The following ABCA2 variants were observed in gnomAD, a reference collection of about 807,000 sequenced individuals.
ABCA2 encodes ATP-binding cassette sub-family A member 2.
Under a neutral mutation model 262.8 loss-of-function variants are expected in ABCA2, and 84 were observed. The ratio of observed to expected loss-of-function variants is 0.32; its 90% CI spans 0.27 to 0.38. The LOEUF (loss-of-function observed/expected upper bound fraction) is 0.38. Among genes scored for constraint, ABCA2 ranks in the 10% least tolerant of loss-of-function variants. The pLI, the probability that ABCA2 is intolerant of heterozygous loss-of-function variation, is 1.00. For synonymous variants in ABCA2, 1,696 were observed against 1,502.9 expected, an observed-to-expected ratio of 1.13 and a Z score of -2.97; for missense variants, 2,662 against 3,405.9, an observed-to-expected ratio of 0.78 and a Z score of 5.44.
At chr9:137,027,248 T>A (rs921641901) in intron 1 of ABCA2, among the ~76,000 whole-genome samples, 1 of 152,180 alleles carries the variant, frequency 6.6e-6, no homozygotes, top group African/African-American at 2.4e-5. Context: ...GCTGGGGGTA[T>A]GGCAGGACAC....
rs767251395 is a variant in ABCA2, at chr9:137,014,258, C to T, written c.4150G>A (p.Gly1384Ser). The T allele has an allele frequency of 1.2e-6, 2 of 1,611,070 alleles. No individual in the cohort carries two copies. The highest frequency in any genetic ancestry group is 1.7e-6 in the Non-Finnish European group (2 of 1,179,254). The change falls in exon 27 of 49, where the codon GGC becomes AGC. Residue 1384 changes from glycine to serine, a missense_variant. Around this residue, in one of 12 missense-constraint regions of ABCA2, gnomAD observed 297 missense variants for 286.5 expected, o/e 1.04. Transcript: ENST00000341511. ...QSASSVGSAR[G>S]DEGAGYTDVY... ...TCGGTGTAGCCAGCTCCCTCGTCGCCACGGGCAGAGCCCACAGATGACGCC... is the reference window on the plus strand; with the variant it reads ...TCGGTGTAGCCAGCTCCCTCGTCGCTACGGGCAGAGCCCACAGATGACGCC...
rs1415865333 is a variant in ABCA2, at chr9:137,016,206, C to G, written c.3105-32G>C. ...AGGTGGGCGGGGTCATGACCCCACG[C>G]CCTCTGCAGGGGCCCCACCCTGCCC... is the stretch of plus-strand genomic sequence containing the variant. On this transcript the variant is annotated intron_variant, in intron 21 of 48. Coordinates refer to ENST00000341511, the MANE Select transcript of ABCA2 (RefSeq NM_001606.5). The G allele has an allele frequency of 1.9e-6, 3 of 1,611,416 alleles. No homozygotes were observed. The African/African-American group carries it at 4.0e-5, about 22-fold the overall frequency.
rs1397469275 is a variant in ABCA2, at chr9:137,012,600, C to A, written c.5082-10G>T. On this transcript the variant is annotated splice_polypyrimidine_tract_variant and intron_variant, in intron 31 of 48. Transcript: ENST00000341511. ...GGTGATGGCCCCATACCTGGGCAGG[C>A]AGGTGGGAGGGGCGGTGAGGCTAGG... The A allele has an allele frequency of 2.5e-6, 4 of 1,611,290 alleles. No individual in the cohort carries two copies. Among genetic ancestry groups the A allele is most frequent in the African/African-American group, 1.3e-5 (1 of 74,916 alleles).
chr9:137,009,016 T>C lies in ABCA2; in HGVS notation c.6865A>G (p.Ser2289Gly), dbSNP rs1359459482. 2 of 1,608,322 alleles carry C rather than the reference T, an allele frequency of 1.2e-6. No individual in the cohort carries two copies. The highest frequency in any genetic ancestry group is 1.7e-6 in the Non-Finnish European group (2 of 1,179,648). Residue 2289 changes from serine (S) to glycine (G), a missense_variant, in exon 46 of 49, where the codon AGC becomes GGC. Coordinates refer to ENST00000341511, the MANE Select transcript of ABCA2 (RefSeq NM_001606.5). ...ACCACGTCCTTCACACTCTGGCTGC[T>C]CTTGGTCCGCACCGTGATCATGTAG... ...DGYMITVRTK[S>G]SQSVKDVVRF... is the part of the protein sequence containing the mutation.
chr9:137,017,169 A>C lies in ABCA2; in HGVS notation c.2553+27T>G, dbSNP rs779238180. 5 of 1,611,678 alleles carry C rather than the reference A, an allele frequency of 3.1e-6. No homozygotes were observed. In the South Asian group the frequency reaches 4.4e-5, roughly 14 times the overall value. ...AGCACGTGGGGTGGCCCGGCACCCCAGCCGCCCGCCTGCCCGCGACCCTCA... is the reference window on the plus strand; with the variant it reads ...AGCACGTGGGGTGGCCCGGCACCCCCGCCGCCCGCCTGCCCGCGACCCTCA... On this transcript the variant is annotated intron_variant, in intron 18 of 48. Transcript: ENST00000341511.
Position 137,017,188 on chromosome 9 carries a change from A to T in ABCA2, c.2553+8T>A. The T allele has an allele frequency of 1.9e-6, 3 of 1,611,378 alleles. No individual in the cohort carries two copies. The highest frequency in any genetic ancestry group is 1.1e-5 in the South Asian group (1 of 91,038). On this transcript the variant is annotated splice_region_variant and intron_variant, in intron 18 of 48. Coordinates refer to ENST00000341511, the MANE Select transcript of ABCA2 (RefSeq NM_001606.5). ...CACCCCAGCCGCCCGCCTGCCCGCGACCCTCACCGCGATGCACTTCTCGAA... is the reference window on the plus strand; with the variant it reads ...CACCCCAGCCGCCCGCCTGCCCGCGTCCCTCACCGCGATGCACTTCTCGAA...
chr9:137,018,837 G>T, intron 12 of ABCA2, 22 bp from the exon 13 acceptor site: 1 of 1,612,570 alleles, frequency 6.2e-7, no homozygotes, highest in South Asian at 1.1e-5. Context: ...GGCATCGCTG[G>T]AGCCCGCCGT....
At chr9:137,022,075 GGACGT>G (rs1410242853) in intron 6 of ABCA2, 74 bp from the exon 7 acceptor site, 39 of 894,868 alleles carry the variant, frequency 4.4e-5, no homozygotes, top group African/African-American at 2.4e-4. Context: ...TGGCTCCGAT[GGACGT>G]GTGGGGGCGT....
At chr9:137,009,347 C>A in intron 45 of ABCA2, 23 bp downstream of exon 45, 2 of 1,556,090 alleles carry the variant, frequency 1.3e-6, no homozygotes, top group Non-Finnish European at 1.7e-6. Context: ...CCCCAGCCCA[C>A]CCCTGGCCCT....
rs754931928 is a variant in ABCA2 at position 137,014,849 on chromosome 9, C to T, written c.3883-39G>A. On this transcript the variant is annotated intron_variant, in intron 25 of 48. Transcript: ENST00000341511. ...GGAGGGGGAGGCTGCGGCAGGGACG[C>T]CCAGGCAGGAGTGCGCCCACCTCCA... The T allele has an allele frequency of 1.7e-5, 27 of 1,584,198 alleles. 2 individuals carry two copies. In the South Asian group the frequency reaches 2.4e-4, roughly 14 times the overall value.
Position 137,008,900 on chromosome 9 carries a change from G to A in ABCA2, c.6931-32C>T, listed in dbSNP as rs866545067. ...GGGGGGAGGTCAGAGGCCTGGCAGCGCCCCCCCACCCCGTAGCGCCCCCTC... is the reference window on the plus strand; with the variant it reads ...GGGGGGAGGTCAGAGGCCTGGCAGCACCCCCCCACCCCGTAGCGCCCCCTC... On this transcript the variant is annotated intron_variant, in intron 46 of 48. Coordinates refer to ENST00000341511, the MANE Select transcript of ABCA2 (RefSeq NM_001606.5). The A allele has an allele frequency of 1.9e-6, 3 of 1,555,288 alleles. No homozygotes were observed. In the South Asian group the frequency reaches 3.4e-5, roughly 18 times the overall value.
chr9:137,021,967 A>G lies in ABCA2; in HGVS notation c.602T>C (p.Leu201Pro). The G allele has an allele frequency of 6.2e-7, 1 of 1,602,396 alleles. No individual in the cohort carries two copies. Residue 201 changes from leucine (L) to proline (P), a missense_variant, in exon 7 of 49, where the codon CTG becomes CCG. Coordinates refer to ENST00000341511, the MANE Select transcript of ABCA2 (RefSeq NM_001606.5). This position sits in a 1 kb window ranked among gnomAD's most constrained non-coding sequence, Gnocchi z 6.0. ...CTTGTGGAGGCCAGACTGTGAATCC[A>G]GGGCAGATGAGGGACCAAAGAGCAG... is the stretch of plus-strand genomic sequence containing the variant. ...YHLLFGPSSA[L>P]DSQSGLHKGQ...
At chr9:137,015,195 G>A in intron 24 of ABCA2, 98 bp from the exon 25 acceptor site, 1 of 1,358,772 alleles carries the variant, frequency 7.4e-7, no homozygotes, top group Non-Finnish European at 9.9e-7. Context: ...GCATTGGAGA[G>A]GAAGAACCAG....
At chr9:137,008,220 C>T (rs1377861269) in intron 48 of ABCA2, 196 bp downstream of exon 48, 2 of 823,214 alleles carry the variant, frequency 2.4e-6, no homozygotes, top group African/African-American at 3.4e-5. Context: ...CTCAAAGACT[C>T]TAGCAAGTCT....
chr9:137,022,096 A>G (rs1196648485), intron 6 of ABCA2, 95 bp from the exon 7 acceptor site: 2 of 298,488 alleles, frequency 6.7e-6, no homozygotes, highest in East Asian at 1.0e-4. Flanking sequence ...GGCGTGGCTT[A>G]GATGGTGGGG....
intron 1 of ABCA2, among the ~76,000 whole-genome samples, chr9:137,026,144 G>C (rs530622889): frequency 1.3e-5 from 2 of 152,336 alleles, no homozygotes; most frequent in Admixed American, 1.3e-4. Context: ...GCAGCCTGTA[G>C]CCCAAGGGTA....
Position 137,015,859 on chromosome 9 carries a change from G to A in ABCA2, c.3330C>T (p.Asp1110=), listed in dbSNP as rs1393403116. The change falls in exon 23 of 49, where the codon GAC becomes GAT. Residue 1110 remains aspartate, a synonymous_variant. Coordinates refer to ENST00000341511, the MANE Select transcript of ABCA2 (RefSeq NM_001606.5). ...AGTGCCGTTTGTTGGAGAGCTCCAG[G>A]TCCTCGATCATCCTGGGACAGGGAG... ...IRREMDKMIE[D]LELSNKRHSL... 41 of 1,609,728 alleles carry A rather than the reference G, an allele frequency of 2.5e-5. No individual in the cohort carries two copies. Among genetic ancestry groups the A allele is most frequent in the Non-Finnish European group, 3.4e-5 (40 of 1,177,798 alleles).
In ABCA2 at chr9:137,014,262, G is replaced by T; in HGVS notation, c.4146C>A (p.Ala1382=). ...SLQSASSVGS[A]RGDEGAGYTD... is the part of the protein sequence containing the mutation. ...TGTAGCCAGCTCCCTCGTCGCCACG[G>T]GCAGAGCCCACAGATGACGCCGACT... The change falls in exon 27 of 49, where the codon GCC becomes GCA. Residue 1382 remains alanine (A), a synonymous_variant. Transcript: ENST00000341511. 6.2e-7 allele frequency: 1 copy of T among 1,611,162 alleles called. No homozygotes were observed.
intron 33 of ABCA2, 22 bp downstream of exon 33, chr9:137,012,243 C>T (rs780804882): frequency 2.8e-5 from 45 of 1,595,164 alleles, no homozygotes; most frequent in East Asian, 4.5e-5. Context: ...CGCCCCGCCC[C>T]GCCCTGCCTA....
Sources: gnomAD v4.1 joint callset for allele counts (sites outside exome capture counted in the v4.1 genomes callset) on GRCh38, gnomAD v4.1.1 for gene constraint, gnomAD v4.1.1 regional missense constraint, Gnocchi (gnomAD v3.1) non-coding constraint, MANE v1.5 for transcripts, NCBI Gene and HGNC (gene_info 2026-07-23, HGNC 2026-07-21) for gene names.